Variants in BTD observed in about 807,000 individuals in gnomAD.
BTD encodes the protein biocytinase.
A neutral mutation model predicts 17.7 loss-of-function variants in BTD; 13 were observed. The ratio of observed to expected loss-of-function variants is 0.74; its 90% CI spans 0.48 to 1.17. BTD has a LOEUF of 1.17. BTD is among the 50% of genes most tolerant of loss of function. The pLI is 0.00. For missense variants in BTD, 674 were observed against 650.4 expected (o/e 1.04, Z -0.39); for synonymous variants, 240 against 245.2 (o/e 0.98, Z 0.20).
In BTD at chr3:15,647,528, A is replaced by G. The variant is rs1015992350; in HGVS notation, c.*2040A>G. The G allele has an allele frequency of 6.6e-6, 1 of 152,194 alleles. No individual in the cohort carries two copies. The highest frequency in any genetic ancestry group is 1.5e-5 in the Non-Finnish European group (1 of 68,038). The allele number at this position is 152,194 out of a possible 1,614,324, so 9.4% of individuals were successfully genotyped here. ...TTGCTCGTGAAGTAGAAATGAGGGG[A>G]AAAGCAACTAATGGTGGTAGAACAA... is the stretch of plus-strand genomic sequence containing the variant. On this transcript the variant is annotated 3_prime_UTR_variant, in exon 4 of 4. Transcript: ENST00000643237.
Position 15,635,051 on chromosome 3 carries a change from T to C in BTD, c.-16-373T>C, listed in dbSNP as rs1293530159. On this transcript the variant is annotated intron_variant, in intron 1 of 3. Transcript: ENST00000643237. This position sits in a 1 kb window ranked among gnomAD's most constrained non-coding sequence, Gnocchi z 4.1. ...AGGGCAGAGGGTAGAGTGTGAAATA[T>C]ATCACAGAATTATGTCAAATAATCT... 6.6e-6 allele frequency among the ~76,000 whole-genome samples: 1 copy of C among 152,168 alleles called. No homozygotes were observed. Among genetic ancestry groups the C allele is most frequent in the Non-Finnish European group, 1.5e-5 (1 of 68,042 alleles).
chr3:15,677,230 G>A (rs1418746567), intron 3 of BTD, among the ~76,000 whole-genome samples: 1 of 152,130 alleles, frequency 6.6e-6, no homozygotes, highest in East Asian at 1.9e-4. Context: ...GTGAGGGTAG[G>A]AGAAGAGGAC....
chr3:15,694,897 T>TAG, intron 3 of BTD: 1 of 1,301,600 alleles, frequency 7.7e-7, no homozygotes, highest in Non-Finnish European at 1.1e-6. Context: ...AAATCCACCT[T>TAG]AGAGTATTAT....
chr3:15,686,524 A>C, intron 3 of BTD: 1 of 564,016 alleles, frequency 1.8e-6, no homozygotes, highest in South Asian at 2.1e-5. Context: ...CATGACAGGC[A>C]GACCGCCTAC....
chr3:15,700,489 T>A (rs2070406293), intron 3 of BTD, among the ~76,000 whole-genome samples: 1 of 151,032 alleles, frequency 6.6e-6, no homozygotes, highest in African/African-American at 2.4e-5. Context: ...AAAAACACTA[T>A]ATAGGGCCGG....
chr3:15,653,938 T>C (rs1412762196), downstream of BTD, among the ~76,000 whole-genome samples: 1 of 152,230 alleles, frequency 6.6e-6, no homozygotes, highest in Non-Finnish European at 1.5e-5. Context: ...TTTCTCCATA[T>C]TGGCCAGGCT....
At chr3:15,606,015 C>A (rs1001451102) in intron 1 of BTD, among the ~76,000 whole-genome samples, 2 of 141,764 alleles carry the variant, frequency 1.4e-5, no homozygotes, top group African/African-American at 5.5e-5. Context: ...TGTACTCTAG[C>A]CTGGGTGACA....
downstream of BTD, among the ~76,000 whole-genome samples, chr3:15,716,229 G>A (rs1290563493): frequency 3.3e-5 from 5 of 149,630 alleles, no homozygotes; most frequent in Non-Finnish European, 4.4e-5. Flanking sequence ...TAATCCACCC[G>A]CCTCGGCCTC....
chr3:15,695,570 A>C (rs1363929487), intron 3 of BTD, among the ~76,000 whole-genome samples: 1 of 152,154 alleles, frequency 6.6e-6, no homozygotes, highest in Non-Finnish European at 1.5e-5. Context: ...AGGTAAGTCT[A>C]AATAAGAGCA....
At chr3:15,618,556 C>T (rs1019766301) in intron 1 of BTD, among the ~76,000 whole-genome samples, 2 of 151,974 alleles carry the variant, frequency 1.3e-5, no homozygotes, top group Non-Finnish European at 2.9e-5. Flanking sequence ...TTTTGAGTCT[C>T]ACTCTGTCAC....
At chr3:15,610,140 G>A (rs2064572489) in intron 1 of BTD, among the ~76,000 whole-genome samples, 1 of 152,140 alleles carries the variant, frequency 6.6e-6, no homozygotes, top group Non-Finnish European at 1.5e-5. Flanking sequence ...ATTCCTATGA[G>A]GCTGGTCTCA....
At chr3:15,612,579 C>T (rs1206932089) in intron 1 of BTD, among the ~76,000 whole-genome samples, 2 of 152,018 alleles carry the variant, frequency 1.3e-5, no homozygotes, top group Middle Eastern at 3.2e-3. Flanking sequence ...GGCTATCTGC[C>T]GATGTTGATG....
At chr3:15,611,026 T>G (rs1342039622) in intron 1 of BTD, among the ~76,000 whole-genome samples, 1 of 152,150 alleles carries the variant, frequency 6.6e-6, no homozygotes, top group Non-Finnish European at 1.5e-5. Flanking sequence ...TGCATAATTT[T>G]TTTTAGCGTA....
At chr3:15,665,255 C>G (rs898577571) in intron 3 of BTD, among the ~76,000 whole-genome samples, 1 of 152,136 alleles carries the variant, frequency 6.6e-6, no homozygotes, top group South Asian at 2.1e-4. Context: ...TAGATATCAG[C>G]ATTTTTTGTC....
intron 2 of BTD, among the ~76,000 whole-genome samples, chr3:15,637,564 C>G (rs1189353283): frequency 2.6e-5 from 4 of 152,170 alleles, no homozygotes; most frequent in Non-Finnish European, 5.9e-5. Context: ...TATCAGTTAC[C>G]TTTACGTCAT....
At chr3:15,707,697 T>C (rs573793855) in intron 3 of BTD, among the ~76,000 whole-genome samples, 4 of 152,358 alleles carry the variant, frequency 2.6e-5, no homozygotes, top group African/African-American at 4.8e-5. Context: ...GGGACCTTTA[T>C]CTTTCTTCCA....
downstream of BTD, among the ~76,000 whole-genome samples, chr3:15,714,894 G>A (rs2072817641): frequency 6.6e-6 from 1 of 152,130 alleles, no homozygotes; most frequent in Admixed American, 6.5e-5. Context: ...AAAATTGGGA[G>A]TGGGACAGTA....
At chr3:15,604,392 C>T (rs1289747037) in intron 1 of BTD, among the ~76,000 whole-genome samples, 1 of 152,222 alleles carries the variant, frequency 6.6e-6, no homozygotes, top group Non-Finnish European at 1.5e-5. Flanking sequence ...GGCTGGGATG[C>T]AGGACACCAA....
intron 2 of BTD, among the ~76,000 whole-genome samples, chr3:15,637,035 G>A (rs973606726): frequency 6.6e-5 from 10 of 152,042 alleles, no homozygotes; most frequent in Admixed American, 2.6e-4. Flanking sequence ...CAGCCTCCCC[G>A]TAACTGCCAC....
Sources: gnomAD v4.1 joint callset for allele counts (sites outside exome capture counted in the v4.1 genomes callset) on GRCh38, gnomAD v4.1.1 for gene constraint, Gnocchi (gnomAD v3.1) non-coding constraint, MANE v1.5 for transcripts, NCBI Gene and HGNC (gene_info 2026-07-23, HGNC 2026-07-21) for gene names.